The following TBC1D14 variants were observed in gnomAD, a reference collection of about 807,000 sequenced individuals.
TBC1D14 encodes the protein TBC1 domain family member 14.
In TBC1D14, 26 loss-of-function variants were observed where a neutral mutation model predicts 79.0. That is an observed-to-expected ratio of 0.33 (90% CI 0.24 to 0.46). The LOEUF (loss-of-function observed/expected upper bound fraction) is 0.46, where lower values mean the gene tolerates loss of function less well. TBC1D14 is among the 20% of genes least tolerant of loss of function. TBC1D14 has a pLI of 1.00. For missense variants in TBC1D14, 769 were observed against 887.6 expected (o/e 0.87, Z 1.70); for synonymous variants, 394 against 349.9 (o/e 1.13, Z -1.40).
chr4:6,953,478 A>G (rs1714300119), intron 2 of TBC1D14, among the ~76,000 whole-genome samples: 1 of 139,464 alleles, frequency 7.2e-6, no homozygotes, highest in South Asian at 2.4e-4. Flanking sequence ...AAAAATACAA[A>G]AAATTAGCCG....
intron 13 of TBC1D14, among the ~76,000 whole-genome samples, chr4:7,027,298 C>T (rs1325268536): frequency 9.4e-6 from 1 of 106,268 alleles, no homozygotes; most frequent in Non-Finnish European, 2.0e-5. Context: ...TCACCCCCCC[C>T]ACACACATCA....
chr4:7,001,354 G>C, intron 7 of TBC1D14, 103 bp downstream of exon 7: 2 of 996,880 alleles, frequency 2.0e-6, no homozygotes, highest in Admixed American at 2.1e-5. Context: ...CCACGAATCT[G>C]TGTCTTTTGA....
At chr4:6,960,938 G>T (rs1715136758) in intron 2 of TBC1D14, among the ~76,000 whole-genome samples, 1 of 152,170 alleles carries the variant, frequency 6.6e-6, no homozygotes, top group South Asian at 2.1e-4. Flanking sequence ...GTTGGGAATG[G>T]GGCTTCTGAA....
chr4:7,025,306 A>T (rs371726086), intron 13 of TBC1D14, 44 bp downstream of exon 13: 1 of 1,609,660 alleles, frequency 6.2e-7, no homozygotes, highest in Non-Finnish European at 8.5e-7. Flanking sequence ...CGTAGCCGGC[A>T]AGTGGCGCGA....
chr4:6,981,560 A>T (rs938706710), intron 3 of TBC1D14, among the ~76,000 whole-genome samples: 2 of 152,256 alleles, frequency 1.3e-5, no homozygotes, highest in East Asian at 3.8e-4. Flanking sequence ...TATCAAAACC[A>T]GATGAATACA....
intron 2 of TBC1D14, among the ~76,000 whole-genome samples, chr4:6,936,440 C>A (rs1037191500): frequency 2.6e-5 from 4 of 152,164 alleles, no homozygotes; most frequent in African/African-American, 4.8e-5. Flanking sequence ...TAATGTAAAT[C>A]CGAGTCTCTT....
At chr4:7,024,914 G>A (rs1011942059) in intron 12 of TBC1D14, 90 bp from the exon 13 acceptor site, 7 of 1,548,198 alleles carry the variant, frequency 4.5e-6, no homozygotes, top group Non-Finnish European at 6.1e-6. Context: ...GACTAGGGGA[G>A]TGTTTTTCAT....
intron 1 of TBC1D14, among the ~76,000 whole-genome samples, chr4:6,920,273 T>G (rs1270704244): frequency 2.0e-5 from 3 of 150,466 alleles, no homozygotes; most frequent in African/African-American, 7.4e-5. Flanking sequence ...CCTCCCTTTC[T>G]CTCCTTTGTT....
At chr4:6,915,528 G>C (rs1019380872) in intron 1 of TBC1D14, among the ~76,000 whole-genome samples, 1 of 152,172 alleles carries the variant, frequency 6.6e-6, no homozygotes, top group East Asian at 1.9e-4. Flanking sequence ...TTGAGTTCAA[G>C]CCCAGCTCCG....
intron 2 of TBC1D14, among the ~76,000 whole-genome samples, chr4:6,939,081 G>A (rs1211072776): frequency 6.6e-6 from 1 of 152,202 alleles, no homozygotes; most frequent in Non-Finnish European, 1.5e-5. Context: ...CTCATCAGCA[G>A]TGGACGGCAT....
intron 1 of TBC1D14, among the ~76,000 whole-genome samples, chr4:6,921,693 ATTTT>A (rs35634049): frequency 2.2e-4 from 20 of 92,220 alleles, no homozygotes; most frequent in African/African-American, 8.2e-4. Flanking sequence ...CACCTGGCTA[ATTTT>A]TTTTTTTTTT....
intron 3 of TBC1D14, among the ~76,000 whole-genome samples, chr4:6,988,885 C>CTTTT (rs34268749): frequency 0.012 from 959 of 76,820 alleles, 15 homozygotes; most frequent in African/African-American, 0.017. Flanking sequence ...TTCTTTCTTT[C>CTTTT]TTTTTTTTTT....
intron 11 of TBC1D14, among the ~76,000 whole-genome samples, chr4:7,013,882 T>G (rs957107595): frequency 8.5e-5 from 13 of 152,162 alleles, no homozygotes; most frequent in African/African-American, 3.1e-4. Context: ...TAGCTGGGAC[T>G]ACAGGCGCCC....
At chr4:6,981,612 A>G (rs762172978) in intron 3 of TBC1D14, among the ~76,000 whole-genome samples, 47 of 152,240 alleles carry the variant, frequency 3.1e-4, no homozygotes, top group Non-Finnish European at 5.1e-4. Context: ...TTGAAGACAC[A>G]CAAAAAATTC....
chr4:6,921,999 C>T (rs1328519198), intron 1 of TBC1D14, among the ~76,000 whole-genome samples: 1 of 152,076 alleles, frequency 6.6e-6, no homozygotes. Context: ...CCGGCCATGC[C>T]AGAGAACTTT....
intron 7 of TBC1D14, 115 bp downstream of exon 7, chr4:7,001,366 AG>A: frequency 1.2e-6 from 1 of 854,418 alleles, no homozygotes; most frequent in Non-Finnish European, 1.9e-6. Context: ...GTCTTTTGAG[AG>A]ACCAGGAGAC....
At chr4:6,946,397 A>G (rs1203459969) in intron 2 of TBC1D14, among the ~76,000 whole-genome samples, 1 of 152,102 alleles carries the variant, frequency 6.6e-6, no homozygotes, top group African/African-American at 2.4e-5. Context: ...CAATGGTGCA[A>G]TCTTGGCTCA....
chr4:6,985,942 A>G (rs902525058), intron 3 of TBC1D14, among the ~76,000 whole-genome samples: 4 of 152,240 alleles, frequency 2.6e-5, no homozygotes, highest in African/African-American at 9.6e-5. Context: ...CCACGATTTT[A>G]ATAAATGTAT....
At chr4:6,968,585 A>G (rs546654989) in intron 3 of TBC1D14, among the ~76,000 whole-genome samples, 14 of 152,190 alleles carry the variant, frequency 9.2e-5, no homozygotes, top group Non-Finnish European at 2.1e-4. Context: ...GTGGGATGCC[A>G]GGACCCCTTT....
Sources: allele counts gnomAD v4.1 joint callset (sites outside exome capture counted in the v4.1 genomes callset), GRCh38; gene constraint gnomAD v4.1.1; transcripts MANE v1.5; gene names NCBI Gene and HGNC (gene_info 2026-07-23, HGNC 2026-07-21).